The following TOP1 variants were observed in gnomAD, a reference collection of about 807,000 sequenced individuals.
TOP1 encodes DNA topoisomerase 1.
In TOP1, 10 loss-of-function variants were observed where a neutral mutation model predicts 111.1. That is an observed-to-expected ratio of 0.09 (90% CI 0.06 to 0.15). The LOEUF (loss-of-function observed/expected upper bound fraction) is 0.15. TOP1 is among the 10% of genes least tolerant of loss of function. TOP1 has a pLI of 1.00. For missense variants in TOP1, 474 were observed against 926.7 expected (o/e 0.51, Z 6.34); for synonymous variants, 271 against 302.9 (o/e 0.89, Z 1.10).
chr20:41,062,597 G>A (rs6093431), intron 3 of TOP1, among the ~76,000 whole-genome samples: 3,124 of 152,024 alleles, frequency 0.021, 100 homozygotes, highest in African/African-American at 0.071. Context: ...AATATCTACC[G>A]TACAGCAAAG....
In TOP1 at chr20:41,116,386, A is replaced by T; in HGVS notation, c.1816A>T (p.Thr606Ser). Residue 606 changes from threonine to serine, a missense_variant, in exon 17 of 21, where the codon ACA becomes TCA. Around this residue, in one of 14 missense-constraint regions of TOP1, gnomAD observed 18 missense variants for 20.5 expected, o/e 0.88. Coordinates refer to ENST00000361337, the MANE Select transcript of TOP1 (RefSeq NM_003286.4). This position sits in a 1 kb window ranked among gnomAD's most constrained non-coding sequence, Gnocchi z 5.6. The part of the protein sequence containing the change: ...ITLQQQLKEL[T>S]APDENIPAKI... ...GCTACAGCAGCAGCTAAAAGAACTG[A>T]CAGCCCGTAAGTATTGCTTGGCCAG... 1 of 1,613,888 alleles carries T rather than the reference A, an allele frequency of 6.2e-7. No individual in the cohort carries two copies. The highest frequency in any genetic ancestry group is 1.1e-5 in the South Asian group (1 of 91,070).
In TOP1 at chr20:41,082,996, A is replaced by G. The variant is rs1483384399; in HGVS notation, c.508-1466A>G. ...CTGGCTGAAAGACTGAATTAATACA[A>G]TCTTACTGTGGCAGGGACCCCAGAT... On this transcript the variant is annotated intron_variant, in intron 7 of 20. Transcript: ENST00000361337. The surrounding 1 kb of genome is among the most constrained non-coding windows in gnomAD (Gnocchi z 4.1). Among the ~76,000 whole-genome samples, 1 of 152,222 alleles carries G rather than the reference A, an allele frequency of 6.6e-6. No individual in the cohort carries two copies. Among genetic ancestry groups the G allele is most frequent in the East Asian group, 1.9e-4 (1 of 5,206 alleles).
chr20:41,053,141 C>T (rs2033426835), intron 2 of TOP1, among the ~76,000 whole-genome samples: 2 of 152,294 alleles, frequency 1.3e-5, no homozygotes, highest in East Asian at 1.9e-4. Flanking sequence ...TTTGCTCATT[C>T]AGGAGAGGAT....
At chr20:41,072,059 A>T (rs2033675285) in intron 3 of TOP1, among the ~76,000 whole-genome samples, 1 of 152,210 alleles carries the variant, frequency 6.6e-6, no homozygotes, top group Non-Finnish European at 1.5e-5. Context: ...CTCTTAGAAG[A>T]CAAAATGGGG....
chr20:41,081,984 T>C (rs1032393078), intron 7 of TOP1, among the ~76,000 whole-genome samples: 1 of 152,236 alleles, frequency 6.6e-6, no homozygotes, highest in African/African-American at 2.4e-5. Flanking sequence ...TAGAATCATA[T>C]GCTTCCTCCT....
intron 2 of TOP1, among the ~76,000 whole-genome samples, chr20:41,041,338 T>A (rs1689670016): frequency 6.7e-6 from 1 of 149,972 alleles, no homozygotes; most frequent in African/African-American, 2.5e-5. Flanking sequence ...CAGTCCCAGC[T>A]ACTTGGGAGG....
rs1052168765 is a variant in TOP1, at chr20:41,058,664, T to G, written c.59-2730T>G. 6.6e-6 allele frequency among the ~76,000 whole-genome samples: 1 copy of G among 152,096 alleles called. No homozygotes were observed. The highest frequency in any genetic ancestry group is 2.1e-4 in the South Asian group (1 of 4,828). ...CCTCACAATTCCACTTCATCTTGTT[T>G]GTTAGGAGTGAGTCACAGTGTCCAG... On this transcript the variant is annotated intron_variant, in intron 2 of 20. Coordinates refer to ENST00000361337, the MANE Select transcript of TOP1 (RefSeq NM_003286.4). The surrounding 1 kb of genome is among the most constrained non-coding windows in gnomAD (Gnocchi z 4.2).
chr20:41,113,895 A>G, intron 14 of TOP1, 75 bp from the exon 15 acceptor site: 1 of 1,258,056 alleles, frequency 7.9e-7, no homozygotes, highest in Non-Finnish European at 1.1e-6. Flanking sequence ...AAAAAAAAAA[A>G]AAAACACAGA....
chr20:41,115,479 C>T lies in TOP1; in HGVS notation c.1707+40C>T, dbSNP rs1158905873. The T allele has an allele frequency of 6.7e-7, 1 of 1,503,056 alleles. No individual in the cohort carries two copies. Among genetic ancestry groups the T allele is most frequent in the Non-Finnish European group, 9.3e-7 (1 of 1,079,472 alleles). 93.1% of individuals were successfully genotyped at this position (1,503,056 alleles called of 1,614,324 possible). ...CACACAATGTTGAAGGGAGTCCCAG[C>T]CAGAGCCTCACAGTACCTAAAGGGG... On this transcript the variant is annotated intron_variant, in intron 16 of 20. Transcript: ENST00000361337. This position sits in a 1 kb window ranked among gnomAD's most constrained non-coding sequence, Gnocchi z 6.3.
At position 41,034,862 on chromosome 20, in the gene TOP1, A is replaced by T. The variant is rs1264940504; in HGVS notation, c.58+5407A>T. Among the ~76,000 whole-genome samples the T allele has an allele frequency of 6.6e-6, 1 of 151,988 alleles. No individual in the cohort carries two copies. The highest frequency in any genetic ancestry group is 1.5e-5 in the Non-Finnish European group (1 of 67,974). On this transcript the variant is annotated intron_variant, in intron 2 of 20. Coordinates refer to ENST00000361337, the MANE Select transcript of TOP1 (RefSeq NM_003286.4). The surrounding 1 kb of genome is among the most constrained non-coding windows in gnomAD (Gnocchi z 4.0). The stretch of plus-strand genomic sequence containing the variant: ...ATTCCAAGGAAGGTAGGCAACTTTT[A>T]ATTTTAACTTCTTTCCTTTACTTTT...
intron 3 of TOP1, among the ~76,000 whole-genome samples, chr20:41,065,741 T>G (rs553853121): frequency 6.6e-6 from 1 of 152,222 alleles, no homozygotes; most frequent in South Asian, 2.1e-4. Context: ...AGAAATTCAT[T>G]CTTTTTTATG....
chr20:41,041,615 T>C (rs1415057100), intron 2 of TOP1, among the ~76,000 whole-genome samples: 2 of 152,130 alleles, frequency 1.3e-5, no homozygotes, highest in African/African-American at 2.4e-5. Context: ...TTTCTCAAGC[T>C]GATATGCCTA....
At chr20:41,047,984 C>G (rs1396052753) in intron 2 of TOP1, among the ~76,000 whole-genome samples, 1 of 152,034 alleles carries the variant, frequency 6.6e-6, no homozygotes, top group Non-Finnish European at 1.5e-5. Flanking sequence ...TGTGCCACCC[C>G]TTAAGTAGCT....
chr20:41,123,126 C>T lies in TOP1; in HGVS notation c.2196-69C>T. On this transcript the variant is annotated intron_variant, in intron 20 of 20. Transcript: ENST00000361337. The surrounding 1 kb of genome is among the most constrained non-coding windows in gnomAD (Gnocchi z 5.8). The stretch of plus-strand genomic sequence containing the variant: ...GTGAAAGAGAAGATGGAACATCTGA[C>T]CCTGGGCCTCAGATATGGGCCATTG... 2.0e-6 allele frequency: 2 copies of T among 1,004,962 alleles called. No homozygotes were observed. Among genetic ancestry groups the T allele is most frequent in the Non-Finnish European group, 3.1e-6 (2 of 636,878 alleles). 62.3% of individuals were successfully genotyped at this position (1,004,962 alleles called of 1,614,324 possible). A position where few individuals can be genotyped will look rare whatever the true frequency, so the allele number is the denominator to read the frequency against.
In TOP1 at chr20:41,082,877, TA is replaced by T. The variant is rs1172007582; in HGVS notation, c.508-1584del. ...TTATATTGCATTTATGCAAAAATAA[TA>T]CTCTGAGTTTGTTAAACCATTGGGA... On this transcript the variant is annotated intron_variant, in intron 7 of 20. Transcript: ENST00000361337. This position sits in a 1 kb window ranked among gnomAD's most constrained non-coding sequence, Gnocchi z 4.1. Among the ~76,000 whole-genome samples the T allele has an allele frequency of 6.6e-6, 1 of 151,826 alleles. No individual in the cohort carries two copies. Among genetic ancestry groups the T allele is most frequent in the Non-Finnish European group, 1.5e-5 (1 of 67,984 alleles).
chr20:41,033,590 A>G (rs919508339), intron 2 of TOP1, among the ~76,000 whole-genome samples: 1 of 152,104 alleles, frequency 6.6e-6, no homozygotes, highest in Non-Finnish European at 1.5e-5. Flanking sequence ...GCTTTGTTGT[A>G]TATTAATTAT....
At chr20:41,113,878 T>TG in intron 14 of TOP1, 92 bp from the exon 15 acceptor site, 1 of 815,022 alleles carries the variant, frequency 1.2e-6, no homozygotes, top group South Asian at 1.9e-5. Flanking sequence ...CGAGACTGTC[T>TG]CAAAAAAAAA....
intron 3 of TOP1, among the ~76,000 whole-genome samples, chr20:41,062,742 G>C (rs2033560769): frequency 6.6e-6 from 1 of 152,154 alleles, no homozygotes; most frequent in African/African-American, 2.4e-5. Flanking sequence ...GAGCTGCAAA[G>C]AGAAATAAAC....
At chr20:41,107,635 TACTC>T (rs2034168033) in intron 13 of TOP1, among the ~76,000 whole-genome samples, 1 of 152,238 alleles carries the variant, frequency 6.6e-6, no homozygotes. Flanking sequence ...ATACTAAACA[TACTC>T]ACTTGAAAGT....
Sources: gnomAD v4.1 joint callset for allele counts (sites outside exome capture counted in the v4.1 genomes callset) on GRCh38, gnomAD v4.1.1 for gene constraint, gnomAD v4.1.1 regional missense constraint, Gnocchi (gnomAD v3.1) non-coding constraint, MANE v1.5 for transcripts, NCBI Gene and HGNC (gene_info 2026-07-23, HGNC 2026-07-21) for gene names.